Variants in SHROOM2 observed in about 807,000 individuals in gnomAD.
SHROOM2 encodes the protein protein Shroom2.
A neutral mutation model predicts 75.9 loss-of-function variants in SHROOM2; 33 were observed. That is an observed-to-expected ratio of 0.43 (90% CI 0.33 to 0.58). The LOEUF is 0.58. Among genes scored for constraint, SHROOM2 ranks in the 20% least tolerant of loss-of-function variants. SHROOM2 has a pLI of 0.04. For synonymous variants in SHROOM2, 655 were observed against 663.6 expected (o/e 0.99, Z 0.20); for missense variants, 1,434 against 1,461.2 (o/e 0.98, Z 0.30).
At chrX:9,879,767 G>A (rs1470731702) in intron 2 of SHROOM2, among the ~76,000 whole-genome samples, 1 of 100,828 alleles carries the variant, frequency 9.9e-6, no homozygotes, top group African/African-American at 3.9e-5. Context: ...TTTTTGTGTT[G>A]TTTTGGGGTC....
intron 1 of SHROOM2, among the ~76,000 whole-genome samples, chrX:9,834,643 TTTATTTA>T (rs760495975): frequency 6.0e-5 from 6 of 100,269 alleles, no homozygotes; most frequent in Admixed American, 2.3e-4. Context: ...TATTTATTTA[TTTATTTA>T]TTTTCTTTGA....
intron 1 of SHROOM2, among the ~76,000 whole-genome samples, chrX:9,806,500 A>ATG (rs1167737485): frequency 1.2e-4 from 13 of 104,325 alleles, no homozygotes; most frequent in African/African-American, 4.5e-4. Context: ...GTGTATATAT[A>ATG]TGTGTGTGTA....
Position 9,833,676 on chromosome X carries a change from C to T in SHROOM2, c.166-39976C>T, listed in dbSNP as rs372433337. On this transcript the variant is annotated intron_variant, in intron 1 of 9. Transcript: ENST00000380913. Reference sequence around the variant, plus strand: ...CACGTGCACACATGATAACAGAATTCCAGACAACTCCAGACAGCCAGAACT... The same window carrying T: ...CACGTGCACACATGATAACAGAATTTCAGACAACTCCAGACAGCCAGAACT... Among the ~76,000 whole-genome samples, 80 of 105,344 alleles carry T rather than the reference C, an allele frequency of 7.6e-4. 1 individual carries two copies. The South Asian group carries it at 0.02, about 27-fold the overall frequency. The allele number at this position is 105,344 out of a possible 115,157, so 91.5% of individuals were successfully genotyped here.
At chrX:9,848,567 C>CTACATGTCTA (rs1307315736) in intron 1 of SHROOM2, among the ~76,000 whole-genome samples, 1 of 101,323 alleles carries the variant, frequency 9.9e-6, no homozygotes, top group Non-Finnish European at 2.0e-5. Context: ...TATTTAAGTT[C>CTACATGTCTA]TACATGTCTA....
chrX:9,895,745 G>A lies in SHROOM2; in HGVS notation c.1837G>A (p.Asp613Asn), dbSNP rs748766272. ...EDSATRPPPF[D>N]AHVGKPTRRS... ...CAGCGCCACCAGACCGCCACCGTTCGACGCCCACGTGGGCAAGCCCACCCG... is the reference window on the plus strand; with the variant it reads ...CAGCGCCACCAGACCGCCACCGTTCAACGCCCACGTGGGCAAGCCCACCCG... The change falls in exon 4 of 10, where the codon GAC (aspartate) becomes AAC (asparagine). Residue 613 changes from aspartate (D) to asparagine (N), a missense_variant. Around this residue, in one of 3 missense-constraint regions of SHROOM2, gnomAD observed 1,340 missense variants for 1,338.3 expected, o/e 1.00. Transcript: ENST00000380913. 13 of 1,197,911 alleles carry A rather than the reference G, an allele frequency of 1.1e-5. No individual in the cohort carries two copies. Among genetic ancestry groups the A allele is most frequent in the East Asian group, 6.0e-5 (2 of 33,296 alleles).
In SHROOM2 at chrX:9,894,589, C is replaced by T. The variant is rs530267044; in HGVS notation, c.681C>T (p.Ala227=). The T allele has an allele frequency of 1.4e-5, 17 of 1,210,454 alleles. No homozygotes were observed. The highest frequency in any genetic ancestry group is 1.3e-4 in the Admixed American group (6 of 45,890). ...CTCCTGACCACACCTTGTCCAAAGC[C>T]GACACGTCCTCCGCAGAGAACATCC... ...SSTPDHTLSK[A]DTSSAENILY... Residue 227 remains alanine, a synonymous_variant, in exon 4 of 10, where the codon GCC becomes GCT. Transcript: ENST00000380913.
intron 1 of SHROOM2, among the ~76,000 whole-genome samples, chrX:9,848,295 G>A (rs1266509558): frequency 9.4e-6 from 1 of 106,037 alleles, no homozygotes; most frequent in Non-Finnish European, 1.9e-5. Flanking sequence ...ATGAGGTCAG[G>A]AGATCGAGAC....
At chrX:9,897,730 T>C (rs1188854432) in intron 4 of SHROOM2, among the ~76,000 whole-genome samples, 1 of 100,635 alleles carries the variant, frequency 9.9e-6, no homozygotes, top group African/African-American at 3.8e-5. Context: ...ACAAGATACC[T>C]AATAAGTGCA....
chrX:9,809,810 A>G (rs1306396475), intron 1 of SHROOM2, among the ~76,000 whole-genome samples: 1 of 111,813 alleles, frequency 8.9e-6, no homozygotes, highest in African/African-American at 3.3e-5. Flanking sequence ...CTGGGACTAC[A>G]GGCGTGCACC....
chrX:9,845,490 C>T (rs1250364737), intron 1 of SHROOM2, among the ~76,000 whole-genome samples: 1 of 111,787 alleles, frequency 8.9e-6, no homozygotes. Context: ...TCATTCCAAG[C>T]TAGCATCTCC....
intron 5 of SHROOM2, among the ~76,000 whole-genome samples, chrX:9,904,043 G>A (rs376995217): frequency 3.6e-5 from 4 of 111,263 alleles, no homozygotes; most frequent in African/African-American, 9.8e-5. Flanking sequence ...GAGGAGAAGC[G>A]GGAGCAGGGA....
chrX:9,791,986 GAATA>G (rs1569132635), intron 1 of SHROOM2, among the ~76,000 whole-genome samples: 1 of 24 alleles, frequency 0.042, no homozygotes, highest in Non-Finnish European at 0.091. Context: ...GAATAGAATA[GAATA>G]GAATAGAATA....
intron 1 of SHROOM2, among the ~76,000 whole-genome samples, chrX:9,836,138 GGCCCAGGCCCAA>G (rs2083943262): frequency 8.9e-6 from 1 of 112,267 alleles, no homozygotes; most frequent in African/African-American, 3.2e-5. Context: ...CCCAGGCCCA[GGCCCAGGCCCAA>G]GGCAGCCGTC....
At chrX:9,933,129 A>G (rs975353747) in intron 6 of SHROOM2, among the ~76,000 whole-genome samples, 2 of 110,971 alleles carry the variant, frequency 1.8e-5, no homozygotes, top group African/African-American at 3.3e-5. Context: ...CCCTTCCTCC[A>G]AGCCAGATGC....
intron 2 of SHROOM2, among the ~76,000 whole-genome samples, chrX:9,875,167 G>C (rs1183540764): frequency 2.0e-5 from 2 of 102,002 alleles, no homozygotes; most frequent in African/African-American, 7.1e-5. Flanking sequence ...AATTGTAAGT[G>C]GTACATGCTA....
intron 1 of SHROOM2, 68 bp from the exon 2 acceptor site, chrX:9,873,584 C>G (rs73474560): frequency 2.4e-5 from 28 of 1,159,112 alleles, no homozygotes; most frequent in African/African-American, 8.9e-5. Context: ...TGCTGCGTTC[C>G]GAGGACCTGC....
At position 9,925,533 on chromosome X, in the gene SHROOM2, G is replaced by A. The variant is rs144418767; in HGVS notation, c.2892-6642G>A. Among the ~76,000 whole-genome samples, 664 of 112,381 alleles carry A rather than the reference G, an allele frequency of 5.9e-3. 6 individuals carry two copies. The highest frequency in any genetic ancestry group is 0.021 in the African/African-American group (636 of 30,924). On this transcript the variant is annotated intron_variant, in intron 5 of 9. Transcript: ENST00000380913. ...TGAGTTGATGTTTGAGTTACTGAGC[G>A]TTCCACGTTCCATGCTCATGGAAAC...
At chrX:9,883,362 T>TA (rs2084242452) in intron 2 of SHROOM2, among the ~76,000 whole-genome samples, 1 of 112,135 alleles carries the variant, frequency 8.9e-6, no homozygotes, top group South Asian at 3.7e-4. Context: ...CTGGAAGTTC[T>TA]AGTGAGAACA....
intron 5 of SHROOM2, among the ~76,000 whole-genome samples, chrX:9,909,336 A>G (rs2084408843): frequency 8.9e-6 from 1 of 112,853 alleles, no homozygotes; most frequent in Non-Finnish European, 1.9e-5. Context: ...GAATAAATTA[A>G]CAAATGAAGA....
Sources: allele counts gnomAD v4.1 joint callset (sites outside exome capture counted in the v4.1 genomes callset), GRCh38; gene constraint gnomAD v4.1.1; regional missense constraint gnomAD v4.1.1; transcripts MANE v1.5; gene names NCBI Gene and HGNC (gene_info 2026-07-23, HGNC 2026-07-21).